Variants in PXDN observed in about 807,000 individuals in gnomAD.
PXDN encodes the protein peroxidasin.
PXDN carries 77 observed loss-of-function variants against 140.3 expected under a neutral mutation model. The ratio of observed to expected loss-of-function variants is 0.55; its 90% CI spans 0.46 to 0.66. The LOEUF (loss-of-function observed/expected upper bound fraction) is 0.66. Ranked by LOEUF, PXDN falls within the 30% of genes least tolerant of loss-of-function variation. The pLI is 0.00. For synonymous variants in PXDN, 911 were observed against 857.4 expected (o/e 1.06, Z -1.09); for missense variants, 1,838 against 2,039.5 (o/e 0.90, Z 1.90).
chr2:1,646,811 A>G (rs1682859602), intron 17 of PXDN, among the ~76,000 whole-genome samples: 1 of 152,240 alleles, frequency 6.6e-6, no homozygotes, highest in South Asian at 2.1e-4. Flanking sequence ...ACATCTCCTA[A>G]TACACAGTGA....
chr2:1,737,993 G>C (rs544963914), intron 1 of PXDN, among the ~76,000 whole-genome samples: 1 of 152,304 alleles, frequency 6.6e-6, no homozygotes, highest in East Asian at 1.9e-4. Context: ...GTCACATGCA[G>C]GTGGTCTGGC....
intron 1 of PXDN, among the ~76,000 whole-genome samples, chr2:1,708,680 G>C (rs1452790465): frequency 6.6e-6 from 1 of 152,158 alleles, no homozygotes; most frequent in African/African-American, 2.4e-5. Flanking sequence ...CTCACCTCCA[G>C]GCCATGGTGT....
chr2:1,638,825 A>C, intron 21 of PXDN, 21 bp downstream of exon 21: 1 of 1,613,856 alleles, frequency 6.2e-7, no homozygotes, highest in Non-Finnish European at 8.5e-7. Flanking sequence ...GTGGGGGGAC[A>C]CAGGCCGCCA....
intron 16 of PXDN, among the ~76,000 whole-genome samples, chr2:1,650,887 C>A (rs1258423130): frequency 6.6e-6 from 1 of 152,062 alleles, no homozygotes; most frequent in Non-Finnish European, 1.5e-5. Context: ...CTATGGACAC[C>A]TTTAAAGAAA....
intron 1 of PXDN, among the ~76,000 whole-genome samples, chr2:1,732,858 G>C (rs950983595): frequency 2.6e-5 from 4 of 152,214 alleles, no homozygotes; most frequent in African/African-American, 7.2e-5. Context: ...TATTAAAATT[G>C]TATTTATTCC....
rs1684503303 is a variant in PXDN at position 1,703,575 on chromosome 2, A to ACCCTGCGCCCTGG, written c.201-10442_201-10441insCCAGGGCGCAGGG. 9.4e-5 allele frequency among the ~76,000 whole-genome samples: 2 copies of ACCCTGCGCCCTGG among 21,272 alleles called. 1 individual carries two copies. Among genetic ancestry groups the ACCCTGCGCCCTGG allele is most frequent in the Non-Finnish European group, 1.5e-4 (2 of 13,410 alleles). 14.0% of individuals were successfully genotyped at this position (21,272 alleles called of 152,430 possible). On this transcript the variant is annotated intron_variant, in intron 1 of 22. Coordinates refer to ENST00000252804, the MANE Select transcript of PXDN (RefSeq NM_012293.3). ...CAGCTCCAGGTGAAGGTGGGGGACA[A>ACCCTGCGCCCTGG]CTCCAGGTGAAGGGGGGGCAACTCC...
chr2:1,649,451 T>C lies in PXDN; in HGVS notation c.2329A>G (p.Thr777Ala). Reference protein sequence around the residue: ...LKSVYENGFNTPRGINPHRLY... With the variant: ...LKSVYENGFNAPRGINPHRLY... ...CGGTGGGGGTTGATGCCCCGAGGGG[T>C]GTTGAAGCCATTCTCGTACACGGAT... Residue 777 changes from threonine to alanine, a missense_variant, in exon 17 of 23, where the codon ACC becomes GCC. Transcript: ENST00000252804. This position sits in a 1 kb window ranked among gnomAD's most constrained non-coding sequence, Gnocchi z 7.1. The C allele has an allele frequency of 6.2e-7, 1 of 1,613,592 alleles. No homozygotes were observed. Among genetic ancestry groups the C allele is most frequent in the Non-Finnish European group, 8.5e-7 (1 of 1,179,824 alleles).
At chr2:1,643,782 G>A (rs1682784215) in intron 18 of PXDN, among the ~76,000 whole-genome samples, 1 of 152,072 alleles carries the variant, frequency 6.6e-6, no homozygotes, top group Non-Finnish European at 1.5e-5. Context: ...GTGTAAAAAT[G>A]ACAGTGTTGG....
chr2:1,661,652 G>A (rs1683307253), intron 13 of PXDN, among the ~76,000 whole-genome samples: 2 of 152,196 alleles, frequency 1.3e-5, no homozygotes, highest in Non-Finnish European at 2.9e-5. Flanking sequence ...CATGGTGTGT[G>A]AGTGCTACCC....
At chr2:1,684,386 A>G (rs1683998307) in intron 4 of PXDN, among the ~76,000 whole-genome samples, 1 of 152,220 alleles carries the variant, frequency 6.6e-6, no homozygotes, top group South Asian at 2.1e-4. Context: ...AGGGAGGCCT[A>G]GAGGTGCTCA....
intron 1 of PXDN, among the ~76,000 whole-genome samples, chr2:1,744,036 G>C (rs1334217140): frequency 2.0e-5 from 3 of 152,048 alleles, no homozygotes; most frequent in Admixed American, 6.5e-5. Flanking sequence ...TCCGCCCCTC[G>C]GCGTCTCCCG....
At chr2:1,658,900 C>G (rs1157429208) in intron 14 of PXDN, among the ~76,000 whole-genome samples, 4 of 152,184 alleles carry the variant, frequency 2.6e-5, no homozygotes, top group East Asian at 1.9e-4. Context: ...TCTGCTTCCC[C>G]CTCCGGCCCA....
At chr2:1,688,411 C>T (rs977045860) in intron 3 of PXDN, among the ~76,000 whole-genome samples, 3 of 152,362 alleles carry the variant, frequency 2.0e-5, no homozygotes, top group Non-Finnish European at 2.9e-5. Context: ...GTAGAGACTG[C>T]GCAGCTCACA....
intron 1 of PXDN, among the ~76,000 whole-genome samples, chr2:1,734,808 A>G (rs1174944852): frequency 6.6e-6 from 1 of 152,242 alleles, no homozygotes; most frequent in Non-Finnish European, 1.5e-5. Flanking sequence ...CGGAGGTTGC[A>G]GTGAGGCAAG....
chr2:1,645,139 A>G (rs1682821852), intron 17 of PXDN, among the ~76,000 whole-genome samples: 1 of 152,218 alleles, frequency 6.6e-6, no homozygotes, highest in African/African-American at 2.4e-5. Context: ...AGCTAAATGT[A>G]TATAGTTTAT....
At chr2:1,684,897 G>C (rs565733880) in intron 4 of PXDN, among the ~76,000 whole-genome samples, 2 of 152,284 alleles carry the variant, frequency 1.3e-5, no homozygotes, top group Non-Finnish European at 2.9e-5. Flanking sequence ...TCCCTGGGGT[G>C]CTCTGCTGGG....
intron 7 of PXDN, among the ~76,000 whole-genome samples, chr2:1,678,048 C>T (rs1255702721): frequency 3.9e-5 from 6 of 152,174 alleles, no homozygotes; most frequent in African/African-American, 9.6e-5. Flanking sequence ...TGCCTCCTTC[C>T]GTCTCCCCAG....
intron 5 of PXDN, 27 bp from the exon 6 acceptor site, chr2:1,683,754 C>CA: frequency 6.6e-7 from 1 of 1,525,924 alleles, no homozygotes. Context: ...TATAACAAAC[C>CA]AATTTTGAAA....
chr2:1,636,832 T>G (rs1017656170), intron 21 of PXDN: 8 of 152,278 alleles, frequency 5.3e-5, no homozygotes, highest in Admixed American at 1.3e-4. Flanking sequence ...CTGCTTTAAT[T>G]CACAGCCAGA....
Sources: allele counts gnomAD v4.1 joint callset (sites outside exome capture counted in the v4.1 genomes callset), GRCh38; gene constraint gnomAD v4.1.1; non-coding constraint Gnocchi (gnomAD v3.1); transcripts MANE v1.5; gene names NCBI Gene and HGNC (gene_info 2026-07-23, HGNC 2026-07-21).